Variants in HYDIN observed in about 807,000 individuals in gnomAD.
HYDIN encodes the protein axonemal central pair apparatus protein HYDIN.
A neutral mutation model predicts 403.9 loss-of-function variants in HYDIN; 132 were observed. That is an observed-to-expected ratio of 0.33 (90% CI 0.28 to 0.38). HYDIN has a LOEUF of 0.38. HYDIN is among the 10% of genes least tolerant of loss of function. The probability of loss-of-function intolerance (pLI) is 1.00; values close to 1 mark genes in which losing one functional copy is unlikely to be tolerated. For missense variants in HYDIN, 2,827 were observed against 5,009.5 expected, an observed-to-expected ratio of 0.56 and a Z score of 13.15; for synonymous variants, 1,202 against 1,891.7, an observed-to-expected ratio of 0.64 and a Z score of 9.46.
chr16:70,862,992 G>A (rs952325853), intron 68 of HYDIN, 93 bp downstream of exon 68: 3 of 747,700 alleles, frequency 4.0e-6, no homozygotes, highest in African/African-American at 3.5e-5. Context: ...CTACTTAGGA[G>A]ACCCTCTGAG....
At chr16:71,094,629 A>T (rs1568143954) in intron 10 of HYDIN, among the ~76,000 whole-genome samples, 1 of 152,292 alleles carries the variant, frequency 6.6e-6, no homozygotes, top group Non-Finnish European at 1.5e-5. Context: ...CTATCTCTTC[A>T]TGTATTGAGG....
chr16:71,196,228 G>T (rs572149458), intron 1 of HYDIN, among the ~76,000 whole-genome samples: 1 of 152,318 alleles, frequency 6.6e-6, no homozygotes, highest in East Asian at 1.9e-4. Context: ...CAGATATCCA[G>T]CTAAACATTA....
At chr16:71,191,273 G>GT (rs2087423030) in intron 1 of HYDIN, among the ~76,000 whole-genome samples, 1 of 152,046 alleles carries the variant, frequency 6.6e-6, no homozygotes, top group Non-Finnish European at 1.5e-5. Flanking sequence ...ATCATCGTTT[G>GT]TTTTGTTGAG....
chr16:70,821,657 G>A (rs2036270776), intron 83 of HYDIN, among the ~76,000 whole-genome samples: 1 of 151,982 alleles, frequency 6.6e-6, no homozygotes, highest in African/African-American at 2.4e-5. Context: ...AAAATGAAAC[G>A]ATGCCTGATG....
In HYDIN at chr16:70,822,656, G is replaced by T. The variant is rs551136821; in HGVS notation, c.14428-4084C>A. ...AATTTATATGGCAAATTTCATTGTT[G>T]TCTAATTTTAGGAAATTGCCACAGT... On this transcript the variant is annotated intron_variant, in intron 83 of 85. Coordinates refer to ENST00000393567, the MANE Select transcript of HYDIN (RefSeq NM_001270974.2). Among the ~76,000 whole-genome samples, 1,431 of 152,208 alleles carry T rather than the reference G, an allele frequency of 9.4e-3. 27 individuals carry two copies. Among genetic ancestry groups the T allele is most frequent in the African/African-American group, 0.032 (1,333 of 41,520 alleles).
chr16:70,990,796 C>A (rs2079325704), intron 25 of HYDIN, among the ~76,000 whole-genome samples: 1 of 152,200 alleles, frequency 6.6e-6, no homozygotes. Context: ...AAATTTTGAT[C>A]TACTTGCAAA....
rs2039466818 is a variant in HYDIN, at chr16:70,862,314, G to A, written c.11570-59C>T. The A allele has an allele frequency of 5.5e-6, 6 of 1,093,698 alleles. No individual in the cohort carries two copies. In the South Asian group the frequency reaches 7.5e-5, roughly 14 times the overall value. 67.7% of individuals were successfully genotyped at this position (1,093,698 alleles called of 1,614,324 possible). ...ATTTGCAGTGAGAGGCAGGTGGAAG[G>A]GAGCCCACTTACAGGTCCTTAGGGG... On this transcript the variant is annotated intron_variant, in intron 68 of 85. Coordinates refer to ENST00000393567, the MANE Select transcript of HYDIN (RefSeq NM_001270974.2).
Position 70,874,800 on chromosome 16 carries a change from A to G in HYDIN, c.10660+17T>C. On this transcript the variant is annotated intron_variant, in intron 63 of 85. Transcript: ENST00000393567. ...CTGAGATCCATTGCCCTCTAGAAGCACCCTCCCCACACTTACCTTTTACAT... is the reference window on the plus strand; with the variant it reads ...CTGAGATCCATTGCCCTCTAGAAGCGCCCTCCCCACACTTACCTTTTACAT... 3 of 1,609,606 alleles carry G rather than the reference A, an allele frequency of 1.9e-6. No individual in the cohort carries two copies. Among genetic ancestry groups the G allele is most frequent in the Non-Finnish European group, 2.5e-6 (3 of 1,177,860 alleles).
chr16:70,904,788 C>T (rs2076489508), intron 50 of HYDIN, among the ~76,000 whole-genome samples: 1 of 151,300 alleles, frequency 6.6e-6, no homozygotes, highest in Non-Finnish European at 1.5e-5. Flanking sequence ...AGGCATGAGC[C>T]ACCGTGCCCG....
At chr16:70,818,315 G>C (rs1454008362) in intron 84 of HYDIN, 27 bp downstream of exon 84, 19 of 1,536,148 alleles carry the variant, frequency 1.2e-5, no homozygotes, top group Non-Finnish European at 1.6e-5. Flanking sequence ...AGCTCTCAGG[G>C]AGCCCCCGAC....
At chr16:70,945,121 C>T (rs941491854) in intron 41 of HYDIN, among the ~76,000 whole-genome samples, 3 of 152,172 alleles carry the variant, frequency 2.0e-5, no homozygotes, top group African/African-American at 7.2e-5. Flanking sequence ...AGGAAGATGT[C>T]ACTGTGGTCA....
At position 70,807,461 on chromosome 16, in the gene HYDIN, C is replaced by T. The variant is rs2143411612; in HGVS notation, c.*119G>A. 1 of 1,112,356 alleles carries T rather than the reference C, an allele frequency of 9.0e-7. No homozygotes were observed. The highest frequency in any genetic ancestry group is 1.3e-6 in the Non-Finnish European group (1 of 779,864). The allele number at this position is 1,112,356 out of a possible 1,614,324, so 68.9% of individuals were successfully genotyped here. A position where few individuals can be genotyped will look rare whatever the true frequency, so the allele number is the denominator to read the frequency against. ...AAACACATAATAGGGAAATAACTGCCCTATAATTGTATGAGAAGAATAAAA... is the reference window on the plus strand; with the variant it reads ...AAACACATAATAGGGAAATAACTGCTCTATAATTGTATGAGAAGAATAAAA... On this transcript the variant is annotated 3_prime_UTR_variant, in exon 86 of 86. Transcript: ENST00000393567.
chr16:70,938,802 T>C (rs750779772), intron 43 of HYDIN, 47 bp from the exon 44 acceptor site: 1 of 1,608,414 alleles, frequency 6.2e-7, no homozygotes, highest in Non-Finnish European at 8.5e-7. Flanking sequence ...TCCTTCTCAG[T>C]CTCGCTAGCA....
chr16:71,115,531 G>T (rs1208197170), intron 10 of HYDIN, among the ~76,000 whole-genome samples, 165 bp downstream of exon 10: 1 of 152,082 alleles, frequency 6.6e-6, no homozygotes, highest in Non-Finnish European at 1.5e-5. Flanking sequence ...AAGTGAGAGG[G>T]GCATAGCTTG....
chr16:71,025,749 C>G (rs978219586), intron 20 of HYDIN, among the ~76,000 whole-genome samples: 1 of 142,098 alleles, frequency 7.0e-6, no homozygotes, highest in Non-Finnish European at 1.5e-5. Context: ...TTATTTCTGA[C>G]TGCCCTGAGG....
At chr16:71,156,428 G>A (rs1258520346) in intron 6 of HYDIN, among the ~76,000 whole-genome samples, 4 of 152,136 alleles carry the variant, frequency 2.6e-5, no homozygotes, top group African/African-American at 7.2e-5. Context: ...CAGGCTGAAC[G>A]GGCTAGAAAA....
chr16:70,839,878 T>G (rs2143539717), intron 76 of HYDIN, among the ~76,000 whole-genome samples, 186 bp downstream of exon 76: 1 of 147,238 alleles, frequency 6.8e-6, no homozygotes, highest in African/African-American at 2.5e-5. Context: ...GCAGGGTAGC[T>G]CGTGGCTATC....
chr16:70,818,429 A>G lies in HYDIN; in HGVS notation c.14571T>C (p.Pro4857=). 6.2e-6 allele frequency: 10 copies of G among 1,612,328 alleles called. No individual in the cohort carries two copies. The highest frequency in any genetic ancestry group is 8.5e-6 in the Non-Finnish European group (10 of 1,179,208). Residue 4857 remains proline, a synonymous_variant, in exon 84 of 86, where the codon CCT becomes CCC. Transcript: ENST00000393567. ...VASASIKLEN[P]LPYSVTFSTE... is the part of the protein sequence containing the mutation. ...TGGAGAAGGTCACCGAGTAGGGCAG[A>G]GGGTTCTCCAACTTGATGGAGGCTG...
chr16:70,948,843 CT>C (rs1364200746), intron 41 of HYDIN, among the ~76,000 whole-genome samples: 1 of 146,342 alleles, frequency 6.8e-6, no homozygotes, highest in Non-Finnish European at 1.5e-5. Flanking sequence ...AATAGGAACA[CT>C]TTTACACTGT....
Sources: gnomAD v4.1 joint callset for allele counts (sites outside exome capture counted in the v4.1 genomes callset) on GRCh38, gnomAD v4.1.1 for gene constraint, MANE v1.5 for transcripts, NCBI Gene and HGNC (gene_info 2026-07-23, HGNC 2026-07-21) for gene names.